The following NAV2 variants were observed in gnomAD, a reference collection of about 807,000 sequenced individuals.
The protein encoded by NAV2 is neuron navigator 2.
NAV2 carries 54 observed loss-of-function variants against 223.2 expected under a neutral mutation model. That is an observed-to-expected ratio of 0.24 (90% CI 0.19 to 0.30). NAV2 has a LOEUF of 0.30. Among genes scored for constraint, NAV2 ranks in the 10% least tolerant of loss-of-function variants. NAV2 has a pLI of 1.00. For missense variants in NAV2, 2,806 were observed against 3,147.5 expected (o/e 0.89, Z 2.60); for synonymous variants, 1,279 against 1,239.3 (o/e 1.03, Z -0.67).
At chr11:19,382,218 G>T (rs1848866198) in intron 1 of NAV2, among the ~76,000 whole-genome samples, 1 of 152,214 alleles carries the variant, frequency 6.6e-6, no homozygotes, top group African/African-American at 2.4e-5. Context: ...GGAATAATGT[G>T]CTGCAACACC....
chr11:19,582,117 T>G (rs986417690), intron 1 of NAV2, among the ~76,000 whole-genome samples: 1,910 of 152,290 alleles, frequency 0.013, 55 homozygotes, highest in African/African-American at 0.041. Context: ...GATGGCCAGT[T>G]ATGATGAGCA....
At chr11:19,816,876 G>A (rs927718759) in intron 1 of NAV2, among the ~76,000 whole-genome samples, 4 of 152,128 alleles carry the variant, frequency 2.6e-5, no homozygotes, top group Non-Finnish European at 1.5e-5. Context: ...CTCTTCAGGT[G>A]AAACCAGAGG....
chr11:19,794,705 G>A (rs1158703601), intron 1 of NAV2, among the ~76,000 whole-genome samples: 3 of 152,072 alleles, frequency 2.0e-5, no homozygotes, highest in East Asian at 3.9e-4. Context: ...TAGGGGGAGG[G>A]ACCTAAGTGC....
Position 20,044,101 on chromosome 11 carries a change from C to A in NAV2, c.3028C>A (p.Arg1010=), listed in dbSNP as rs199543112. 3 of 1,614,204 alleles carry A rather than the reference C, an allele frequency of 1.9e-6. No homozygotes were observed. Among genetic ancestry groups the A allele is most frequent in the Non-Finnish European group, 1.7e-6 (2 of 1,180,034 alleles). Residue 1010 remains arginine (R), a synonymous_variant, in exon 13 of 38, where the codon CGG becomes AGG. Transcript: ENST00000349880. ...IKMEPGSKWR[R]NPSDVSDESD... ...AATGGAGCCAGGTTCCAAGTGGAGG[C>A]GGAATCCTTCTGATGTGTCTGACGA...
chr11:19,926,931 G>A (rs1259363971), intron 6 of NAV2, among the ~76,000 whole-genome samples: 1 of 151,976 alleles, frequency 6.6e-6, no homozygotes, highest in African/African-American at 2.4e-5. Context: ...CTGGGGACAG[G>A]AGAGACCTGG....
chr11:19,548,284 C>T (rs1305634274), intron 1 of NAV2, among the ~76,000 whole-genome samples: 2 of 152,302 alleles, frequency 1.3e-5, no homozygotes, highest in East Asian at 1.9e-4. Flanking sequence ...GAAAATCAGA[C>T]GAAGAGAGAA....
intron 1 of NAV2, among the ~76,000 whole-genome samples, chr11:19,514,749 G>A (rs2043389863): frequency 6.6e-6 from 1 of 152,194 alleles, no homozygotes; most frequent in Non-Finnish European, 1.5e-5. Flanking sequence ...TTCTCTGGAA[G>A]TCTCCTGCCC....
At chr11:19,618,402 ATGG>A (rs376386089) in intron 1 of NAV2, among the ~76,000 whole-genome samples, 4,631 of 32,922 alleles carry the variant, frequency 0.14, 140 homozygotes, top group East Asian at 0.24. Context: ...GGATGAATAG[ATGG>A]ATGGATGGAT....
intron 4 of NAV2, among the ~76,000 whole-genome samples, chr11:19,875,381 G>A (rs983508755): frequency 6.6e-6 from 1 of 152,132 alleles, no homozygotes; most frequent in African/African-American, 2.4e-5. Context: ...TTATAATAAG[G>A]TGTTGAATAT....
At chr11:19,801,599 T>C (rs1247419323) in intron 1 of NAV2, among the ~76,000 whole-genome samples, 4 of 152,144 alleles carry the variant, frequency 2.6e-5, no homozygotes, top group Non-Finnish European at 5.9e-5. Context: ...CTCCTAGCCC[T>C]GAGGATCATG....
chr11:19,920,065 G>GTGA (rs1452942838), intron 6 of NAV2, among the ~76,000 whole-genome samples: 1 of 152,080 alleles, frequency 6.6e-6, no homozygotes, highest in Non-Finnish European at 1.5e-5. Context: ...AGCCCTGGAG[G>GTGA]TGAGGCTGTA....
chr11:19,526,944 A>G (rs1347616156), intron 1 of NAV2, among the ~76,000 whole-genome samples: 4 of 152,160 alleles, frequency 2.6e-5, no homozygotes, highest in Admixed American at 6.5e-5. Flanking sequence ...TCCTGAGGAC[A>G]TCCTAGGTCC....
chr11:19,603,981 T>C (rs908990438), intron 1 of NAV2, among the ~76,000 whole-genome samples: 1 of 152,080 alleles, frequency 6.6e-6, no homozygotes, highest in African/African-American at 2.4e-5. Context: ...GGCAGAAGCA[T>C]GCTGGGCATG....
At chr11:19,648,471 G>C (rs1315701582) in intron 1 of NAV2, among the ~76,000 whole-genome samples, 1 of 152,184 alleles carries the variant, frequency 6.6e-6, no homozygotes, top group African/African-American at 2.4e-5. Flanking sequence ...ATCACTGCCT[G>C]ATAGGCCTCA....
At chr11:19,593,414 T>A (rs1445237688) in intron 1 of NAV2, among the ~76,000 whole-genome samples, 1 of 152,196 alleles carries the variant, frequency 6.6e-6, no homozygotes, top group African/African-American at 2.4e-5. Flanking sequence ...CACTGATACA[T>A]GACTGACTGA....
intron 1 of NAV2, among the ~76,000 whole-genome samples, chr11:19,370,137 C>T (rs1203741580): frequency 6.6e-6 from 1 of 152,204 alleles, no homozygotes; most frequent in East Asian, 1.9e-4. Flanking sequence ...CTTTCATTGG[C>T]CTGTTGCCCA....
rs1038144200 is a variant in NAV2 at position 19,859,554 on chromosome 11, A to T, written c.439-9371A>T. 1.4e-4 allele frequency among the ~76,000 whole-genome samples: 21 copies of T among 151,564 alleles called. No individual in the cohort carries two copies. In the East Asian group the frequency reaches 3.9e-3, roughly 28 times the overall value. Reference sequence around the variant, plus strand: ...CATGTCTACCTCTTTCTACACAGACACGGCAACCATCCGATTTCTCAATCT... The same window carrying T: ...CATGTCTACCTCTTTCTACACAGACTCGGCAACCATCCGATTTCTCAATCT... On this transcript the variant is annotated intron_variant, in intron 3 of 37. Coordinates refer to ENST00000349880, the MANE Select transcript of NAV2 (RefSeq NM_145117.5).
intron 11 of NAV2, among the ~76,000 whole-genome samples, chr11:20,002,687 A>G (rs1446347279): frequency 1.3e-5 from 2 of 152,098 alleles, no homozygotes; most frequent in Non-Finnish European, 2.9e-5. Context: ...AAGGCCAACC[A>G]CTTGTTTTCC....
chr11:19,520,310 GA>G (rs1236316303), intron 1 of NAV2, among the ~76,000 whole-genome samples: 2 of 152,242 alleles, frequency 1.3e-5, no homozygotes, highest in African/African-American at 4.8e-5. Flanking sequence ...AGCTACAGAT[GA>G]ATTTTAAAAT....
Sources: gnomAD v4.1 joint callset for allele counts (sites outside exome capture counted in the v4.1 genomes callset) on GRCh38, gnomAD v4.1.1 for gene constraint, MANE v1.5 for transcripts, NCBI Gene and HGNC (gene_info 2026-07-23, HGNC 2026-07-21) for gene names.